Variants in L3MBTL4 observed in about 807,000 individuals in gnomAD.
The protein encoded by L3MBTL4 is L3MBTL histone methyl-lysine binding protein 4, also known as lethal(3)malignant brain tumor-like protein 4.
In L3MBTL4, 70 loss-of-function variants were observed where a neutral mutation model predicts 84.5. That is an observed-to-expected ratio of 0.83 (90% CI 0.68 to 1.01). The LOEUF (loss-of-function observed/expected upper bound fraction) is 1.01, where lower values mean the gene tolerates loss of function less well. Ranked by LOEUF, L3MBTL4 falls within the 50% of genes least tolerant of loss-of-function variation. The pLI, the probability that L3MBTL4 is intolerant of heterozygous loss-of-function variation, is 0.00. For missense variants in L3MBTL4, 715 were observed against 754.8 expected (o/e 0.95, Z 0.62); for synonymous variants, 274 against 259.8 (o/e 1.05, Z -0.52).
chr18:6,368,812 C>T (rs1310204981), intron 1 of L3MBTL4, among the ~76,000 whole-genome samples: 4 of 152,030 alleles, frequency 2.6e-5, no homozygotes, highest in South Asian at 4.1e-4. Flanking sequence ...GAGGCCGAGG[C>T]GGGCAGATCA....
At chr18:6,070,883 A>T (rs1478657587) in intron 16 of L3MBTL4, among the ~76,000 whole-genome samples, 1 of 152,086 alleles carries the variant, frequency 6.6e-6, no homozygotes, top group Non-Finnish European at 1.5e-5. Context: ...AGTACAAAAG[A>T]TAATTTTTCA....
At chr18:6,241,189 A>G (rs1169057619) in intron 8 of L3MBTL4, among the ~76,000 whole-genome samples, 169 bp downstream of exon 8, 1 of 152,220 alleles carries the variant, frequency 6.6e-6, no homozygotes, top group Non-Finnish European at 1.5e-5. Flanking sequence ...TAAAGGAAGA[A>G]AACCAAGATA....
chr18:6,251,610 G>A (rs2047926754), intron 5 of L3MBTL4, among the ~76,000 whole-genome samples: 1 of 152,178 alleles, frequency 6.6e-6, no homozygotes, highest in African/African-American at 2.4e-5. Context: ...GATTGGTCTG[G>A]ATGCTAGAAT....
chr18:6,191,145 G>T (rs2045063076), intron 12 of L3MBTL4, among the ~76,000 whole-genome samples: 1 of 152,186 alleles, frequency 6.6e-6, no homozygotes, highest in African/African-American at 2.4e-5. Flanking sequence ...TCTGACTTGT[G>T]TTTTACAAGA....
intron 16 of L3MBTL4, among the ~76,000 whole-genome samples, chr18:5,974,753 C>G (rs2052817735): frequency 1.3e-5 from 2 of 152,142 alleles, no homozygotes; most frequent in African/African-American, 4.8e-5. Context: ...TTGCTTGAGG[C>G]CAGGAGTTCA....
chr18:6,243,332 C>G lies in L3MBTL4; in HGVS notation c.422G>C (p.Trp141Ser). Residue 141 changes from tryptophan (W) to serine (S), a missense_variant, in exon 7 of 19, where the codon TGG becomes TCG. Trp to Ser is a radical substitution (Grantham distance 177). Coordinates refer to ENST00000317931, the MANE Select transcript of L3MBTL4 (RefSeq NM_001330559.2). ...AGSPDIHPVG[W>S]CEKTKHELHI... is the part of the protein sequence containing the mutation. ...CAGTTCATGTTTGGTCTTTTCACAC[C>G]ATCCTACTGGATGAATGTCAGGGGA... The G allele has an allele frequency of 1.2e-6, 2 of 1,603,780 alleles. No homozygotes were observed. Among genetic ancestry groups the G allele is most frequent in the Non-Finnish European group, 8.5e-7 (1 of 1,175,626 alleles).
At chr18:6,043,984 T>C (rs1407792405) in intron 16 of L3MBTL4, among the ~76,000 whole-genome samples, 2 of 152,246 alleles carry the variant, frequency 1.3e-5, no homozygotes, top group Non-Finnish European at 2.9e-5. Flanking sequence ...AATTCAGTTT[T>C]GCACACAGGG....
intron 13 of L3MBTL4, among the ~76,000 whole-genome samples, chr18:6,168,599 G>A (rs1323132157): frequency 9.3e-5 from 14 of 150,576 alleles, no homozygotes; most frequent in African/African-American, 2.2e-4. Context: ...TTTAATAAAT[G>A]GTGCTGGGAA....
intron 1 of L3MBTL4, among the ~76,000 whole-genome samples, chr18:6,329,058 T>A (rs539867310): frequency 1.3e-5 from 2 of 152,298 alleles, no homozygotes; most frequent in East Asian, 3.9e-4. Flanking sequence ...TGTGTACCCT[T>A]GGTCACTACT....
chr18:6,228,391 ATTGGG>A (rs1477323449), intron 10 of L3MBTL4, among the ~76,000 whole-genome samples: 4 of 152,098 alleles, frequency 2.6e-5, no homozygotes, highest in Admixed American at 1.3e-4. Context: ...AAATTAATTA[ATTGGG>A]CATCATCAAA....
chr18:6,347,495 C>A (rs968679816), intron 1 of L3MBTL4, among the ~76,000 whole-genome samples: 5 of 150,734 alleles, frequency 3.3e-5, no homozygotes, highest in Admixed American at 6.6e-5. Context: ...ATATATATAT[C>A]TTTTTATATG....
intron 12 of L3MBTL4, among the ~76,000 whole-genome samples, chr18:6,179,532 G>A (rs148641774): frequency 1.3e-5 from 2 of 152,218 alleles, no homozygotes; most frequent in African/African-American, 4.8e-5. Flanking sequence ...CAAGACATCT[G>A]CCCTGCTGTG....
At chr18:6,276,613 C>T (rs1019920517) in intron 4 of L3MBTL4, among the ~76,000 whole-genome samples, 6 of 149,216 alleles carry the variant, frequency 4.0e-5, no homozygotes, top group African/African-American at 1.2e-4. Context: ...TGAATGCTTA[C>T]TATGTGCTCA....
chr18:6,271,008 G>A (rs1216609254), intron 4 of L3MBTL4, among the ~76,000 whole-genome samples: 2 of 152,140 alleles, frequency 1.3e-5, no homozygotes, highest in South Asian at 2.1e-4. Flanking sequence ...CTAAACAAAG[G>A]GGGGCATGCA....
intron 16 of L3MBTL4, chr18:6,031,560 G>A: frequency 7.1e-5 from 68 of 953,790 alleles, no homozygotes; most frequent in Non-Finnish European, 8.5e-5. Flanking sequence ...GGTCAGTTCT[G>A]ATTTCAGCAG....
At chr18:6,364,821 T>A (rs942237210) in intron 1 of L3MBTL4, among the ~76,000 whole-genome samples, 3 of 152,104 alleles carry the variant, frequency 2.0e-5, no homozygotes, top group African/African-American at 7.2e-5. Context: ...GTAAAGTCTT[T>A]AACATCTAGG....
intron 4 of L3MBTL4, among the ~76,000 whole-genome samples, chr18:6,294,434 T>C (rs2050001834): frequency 6.6e-6 from 1 of 152,158 alleles, no homozygotes; most frequent in African/African-American, 2.4e-5. Flanking sequence ...AGAAGGTAAT[T>C]ATGCTGAGCA....
chr18:6,261,882 G>A (rs1299571473), intron 5 of L3MBTL4, among the ~76,000 whole-genome samples: 1 of 152,172 alleles, frequency 6.6e-6, no homozygotes, highest in East Asian at 1.9e-4. Context: ...GCACTTGGCT[G>A]CCATCAGCCA....
chr18:6,206,262 C>A (rs905994928), intron 12 of L3MBTL4, among the ~76,000 whole-genome samples: 1 of 152,174 alleles, frequency 6.6e-6, no homozygotes, highest in Non-Finnish European at 1.5e-5. Flanking sequence ...CTATCTGTAG[C>A]ATCCCTCAGA....
Sources: allele counts gnomAD v4.1 joint callset (sites outside exome capture counted in the v4.1 genomes callset), GRCh38; gene constraint gnomAD v4.1.1; transcripts MANE v1.5; gene names NCBI Gene and HGNC (gene_info 2026-07-23, HGNC 2026-07-21).